Variants in ACSF3 observed in about 807,000 individuals in gnomAD.
ACSF3 encodes malonate--CoA ligase ACSF3, mitochondrial.
In ACSF3, 78 loss-of-function variants were observed where a neutral mutation model predicts 53.2. The observed-to-expected ratio is 1.47, with a 90% CI of 1.22 to 1.77. The LOEUF (loss-of-function observed/expected upper bound fraction) is 1.77. Ranked by LOEUF, ACSF3 falls within the 40% of genes most tolerant of loss-of-function variation. The pLI, the probability that ACSF3 is intolerant of heterozygous loss-of-function variation, is 0.00. For missense variants in ACSF3, 937 were observed against 771.1 expected (o/e 1.22, Z -2.55); for synonymous variants, 414 against 333.1 (o/e 1.24, Z -2.65).
chr16:89,098,724 C>T lies in ACSF3; in HGVS notation c.-60C>T, dbSNP rs1443538804. ...CTGTGCCTGCCGCTCTTGTGAACTG[C>T]GAACTTCCCCTTACCTCCTCTCTCT... On this transcript the variant is annotated 5_prime_UTR_variant, in exon 2 of 11. Transcript: ENST00000614302. 6 of 454,042 alleles carry T rather than the reference C, an allele frequency of 1.3e-5. No individual in the cohort carries two copies. Among genetic ancestry groups the T allele is most frequent in the Non-Finnish European group, 2.2e-5 (5 of 226,812 alleles). The allele number at this position is 454,042 out of a possible 1,614,324, so 28.1% of individuals were successfully genotyped here. A position where few individuals can be genotyped will look rare whatever the true frequency, so the allele number is the denominator to read the frequency against.
chr16:89,148,558 GC>G (rs1238547368), intron 10 of ACSF3: 1 of 152,236 alleles, frequency 6.6e-6, no homozygotes, highest in Admixed American at 6.5e-5. Flanking sequence ...GCTGTTGTGT[GC>G]CTGCAACTTT....
intron 3 of ACSF3, 78 bp from the exon 4 acceptor site, chr16:89,102,526 C>T (rs1975465265): frequency 5.1e-6 from 8 of 1,565,018 alleles, no homozygotes; most frequent in South Asian, 1.1e-5. Flanking sequence ...AGCTCCTTTC[C>T]GTGAGCCCGA....
In ACSF3 at chr16:89,145,178, A is replaced by T. The variant is rs2151561928; in HGVS notation, c.1367-89A>T. On this transcript the variant is annotated intron_variant, in intron 8 of 10. Coordinates refer to ENST00000614302, the MANE Select transcript of ACSF3 (RefSeq NM_001243279.3). The stretch of plus-strand genomic sequence containing the variant: ...TTCCTCAGAGGACACCGTGGTGTTT[A>T]AGGACGGCCAGTTAACCAGAGCCCC... 2 of 1,613,214 alleles carry T rather than the reference A, an allele frequency of 1.2e-6. 1 individual carries two copies. The highest frequency in any genetic ancestry group is 3.3e-4 in the Middle Eastern group (2 of 6,018).
At chr16:89,150,579 G>A in intron 10 of ACSF3, 1 of 206,288 alleles carries the variant, frequency 4.8e-6, no homozygotes, top group South Asian at 8.8e-5. Context: ...TCCTCACCCA[G>A]CATTGTTTGG....
intron 4 of ACSF3, among the ~76,000 whole-genome samples, chr16:89,105,347 C>T (rs571424579): frequency 3.9e-5 from 6 of 152,286 alleles, no homozygotes; most frequent in South Asian, 2.1e-4. Context: ...ACCCTCCTTG[C>T]GGCTCTCTCT....
At chr16:89,116,625 G>A (rs991936003) in intron 6 of ACSF3, among the ~76,000 whole-genome samples, 3 of 152,226 alleles carry the variant, frequency 2.0e-5, no homozygotes, top group African/African-American at 7.2e-5. Context: ...CAGTGGGGTG[G>A]CCGCACAGAG....
At chr16:89,102,500 C>T (rs1159687784) in intron 3 of ACSF3, 104 bp from the exon 4 acceptor site, 2 of 1,364,534 alleles carry the variant, frequency 1.5e-6, no homozygotes, top group Non-Finnish European at 1.0e-6. Context: ...TCCCCTTCCT[C>T]AGTGGGGAGG....
intron 8 of ACSF3, among the ~76,000 whole-genome samples, chr16:89,144,487 G>C (rs1473290299): frequency 6.6e-6 from 1 of 152,240 alleles, no homozygotes; most frequent in Non-Finnish European, 1.5e-5. Context: ...CGTGGGCCTT[G>C]GTGCCTCTCC....
intron 6 of ACSF3, 100 bp downstream of exon 6, chr16:89,114,587 A>T: frequency 6.4e-7 from 1 of 1,555,678 alleles, no homozygotes; most frequent in East Asian, 2.3e-5. Flanking sequence ...GAAGGGCGGC[A>T]TGGAGGATGC....
intron 7 of ACSF3, among the ~76,000 whole-genome samples, chr16:89,132,769 G>A (rs1012876367): frequency 6.6e-6 from 1 of 152,224 alleles, no homozygotes; most frequent in African/African-American, 2.4e-5. Context: ...GGTTTTAGAC[G>A]TGGACAGGCT....
chr16:89,123,731 A>G (rs1273234708), intron 7 of ACSF3, among the ~76,000 whole-genome samples: 2 of 152,162 alleles, frequency 1.3e-5, no homozygotes, highest in African/African-American at 4.8e-5. Context: ...GCAGAAAGGA[A>G]TGTGCCCTGT....
intron 4 of ACSF3, among the ~76,000 whole-genome samples, chr16:89,108,068 A>T (rs978197408): frequency 1.3e-5 from 2 of 152,166 alleles, no homozygotes; most frequent in Non-Finnish European, 2.9e-5. Flanking sequence ...ACCCTTGATA[A>T]ACCCATCAGA....
chr16:89,115,094 C>A, intron 6 of ACSF3: 2 of 204,122 alleles, frequency 9.8e-6, no homozygotes, highest in South Asian at 8.1e-5. Flanking sequence ...AGCTGGGGGG[C>A]CACCCTGCTG....
intron 4 of ACSF3, among the ~76,000 whole-genome samples, chr16:89,103,783 A>G (rs558292899): frequency 5.9e-5 from 9 of 152,240 alleles, no homozygotes; most frequent in African/African-American, 2.2e-4. Context: ...CCCTCTCTGC[A>G]TGGCTTCCTC....
intron 10 of ACSF3, chr16:89,153,829 T>A: frequency 1.9e-6 from 1 of 527,088 alleles, no homozygotes; most frequent in Non-Finnish European, 3.4e-6. Flanking sequence ...AGGTGTGCCC[T>A]CGCCCAAGGC....
chr16:89,140,069 C>G (rs905788996), intron 8 of ACSF3, among the ~76,000 whole-genome samples: 1 of 152,232 alleles, frequency 6.6e-6, no homozygotes, highest in East Asian at 1.9e-4. Context: ...CTTCAAGAAG[C>G]CTCTTTCACC....
At chr16:89,122,854 C>A (rs541833064) in intron 7 of ACSF3, 9 of 152,464 alleles carry the variant, frequency 5.9e-5, no homozygotes, top group African/African-American at 2.2e-4. Flanking sequence ...GCTGCCGCGC[C>A]ACCTGATTGC....
At chr16:89,135,071 GTTTTTTTT>G (rs76337118) in intron 8 of ACSF3, among the ~76,000 whole-genome samples, 2 of 115,640 alleles carry the variant, frequency 1.7e-5, no homozygotes, top group African/African-American at 6.5e-5. Flanking sequence ...TCTTTTCCTG[GTTTTTTTT>G]TTTTTTTTTT....
intron 10 of ACSF3, chr16:89,148,121 T>C (rs1214435439): frequency 6.7e-6 from 1 of 149,942 alleles, no homozygotes; most frequent in African/African-American, 2.5e-5. Context: ...TTTTTTTTTT[T>C]TGAGACGGGG....
Sources: allele counts gnomAD v4.1 joint callset (sites outside exome capture counted in the v4.1 genomes callset), GRCh38; gene constraint gnomAD v4.1.1; transcripts MANE v1.5; gene names NCBI Gene and HGNC (gene_info 2026-07-23, HGNC 2026-07-21).